SRGAP1: variants seen among roughly 807,000 people sequenced by gnomAD.
The protein encoded by SRGAP1 is SLIT-ROBO Rho GTPase-activating protein 1.
Under a neutral mutation model 121.9 loss-of-function variants are expected in SRGAP1, and 43 were observed. The ratio of observed to expected loss-of-function variants is 0.35; its 90% CI spans 0.28 to 0.46. SRGAP1 has a LOEUF of 0.46. SRGAP1 is among the 20% of genes least tolerant of loss of function. SRGAP1 has a pLI of 1.00. For missense variants in SRGAP1, 1,102 were observed against 1,350.9 expected, an observed-to-expected ratio of 0.82 and a Z score of 2.89; for synonymous variants, 447 against 485.4, an observed-to-expected ratio of 0.92 and a Z score of 1.04.
intron 16 of SRGAP1, among the ~76,000 whole-genome samples, chr12:64,110,901 A>T (rs1315993923): frequency 2.0e-5 from 3 of 152,146 alleles, no homozygotes; most frequent in African/African-American, 7.2e-5. Flanking sequence ...CACCTCACAA[A>T]GGTAGTTGAG....
chr12:63,957,946 G>A (rs778723667), intron 1 of SRGAP1, among the ~76,000 whole-genome samples: 2 of 152,278 alleles, frequency 1.3e-5, no homozygotes, highest in East Asian at 1.9e-4. Context: ...CTGGGACCAC[G>A]AGGACAAAGT....
intron 8 of SRGAP1, among the ~76,000 whole-genome samples, chr12:64,067,263 G>A (rs1357566900): frequency 6.6e-6 from 1 of 152,310 alleles, no homozygotes; most frequent in East Asian, 1.9e-4. Flanking sequence ...GAGTCAGGCA[G>A]TGCTTTGTGA....
At position 63,877,361 on chromosome 12, in the gene SRGAP1, A is replaced by G. The variant is rs976877012; in HGVS notation, c.67+32478A>G. Among the ~76,000 whole-genome samples, 5 of 152,318 alleles carry G rather than the reference A, an allele frequency of 3.3e-5. No homozygotes were observed. The East Asian group carries it at 5.8e-4, about 18-fold the overall frequency. The stretch of plus-strand genomic sequence containing the variant: ...TTCTTTGCAAACATAAACCCATGAA[A>G]AGGTATTTTTTCCCTTTGGGAAAAT... On this transcript the variant is annotated intron_variant, in intron 1 of 21. Coordinates refer to ENST00000355086, the MANE Select transcript of SRGAP1 (RefSeq NM_020762.4).
In SRGAP1 at chr12:64,142,373, G is replaced by C; in HGVS notation, c.2959G>C (p.Asp987His). 6.2e-7 allele frequency: 1 copy of C among 1,613,970 alleles called. No homozygotes were observed. Among genetic ancestry groups the C allele is most frequent in the Non-Finnish European group, 8.5e-7 (1 of 1,179,998 alleles). ...ERQSTAKHAP[D>H]VVLDTLEQVK... ...ACAGAGCACAGCAAAGCATGCCCCTGATGTGGTGCTGGATACCCTGGAGCA... is the reference window on the plus strand; with the variant it reads ...ACAGAGCACAGCAAAGCATGCCCCTCATGTGGTGCTGGATACCCTGGAGCA... Residue 987 changes from aspartate to histidine, a missense_variant, in exon 22 of 22, where the codon GAT (aspartate) becomes CAT (histidine). Around this residue, in one of 3 missense-constraint regions of SRGAP1, gnomAD observed 315 missense variants for 343.1 expected, o/e 0.92. Transcript: ENST00000355086.
intron 8 of SRGAP1, among the ~76,000 whole-genome samples, chr12:64,073,102 C>A (rs1243094912): frequency 6.6e-6 from 1 of 152,074 alleles, no homozygotes; most frequent in Admixed American, 6.5e-5. Flanking sequence ...TATGTTCCCC[C>A]CTGAGACTTA....
intron 1 of SRGAP1, among the ~76,000 whole-genome samples, chr12:63,893,800 A>G (rs1193826486): frequency 6.6e-6 from 1 of 152,156 alleles, no homozygotes; most frequent in Non-Finnish European, 1.5e-5. Context: ...TGACATTACT[A>G]TGGAGTTCTT....
chr12:63,872,387 C>G (rs570303063), intron 1 of SRGAP1, among the ~76,000 whole-genome samples: 4 of 152,170 alleles, frequency 2.6e-5, no homozygotes, highest in Non-Finnish European at 5.9e-5. Flanking sequence ...TTAAGTTTCT[C>G]TTTGCTTATG....
intron 18 of SRGAP1, among the ~76,000 whole-genome samples, chr12:64,116,179 C>T (rs2036518250): frequency 6.7e-6 from 1 of 150,216 alleles, no homozygotes; most frequent in Admixed American, 6.6e-5. Flanking sequence ...ATTGCATGAG[C>T]CCAGGAGTCT....
At position 64,149,090 on chromosome 12, in the gene SRGAP1, A is replaced by ATAT. The variant is rs1555178571; in HGVS notation, c.*6420_*6422dup. The ATAT allele has an allele frequency of 6.6e-6, 1 of 152,226 alleles. No homozygotes were observed. The allele number at this position is 152,226 out of a possible 1,614,324, so 9.4% of individuals were successfully genotyped here. On this transcript the variant is annotated 3_prime_UTR_variant, in exon 22 of 22. Transcript: ENST00000355086. Reference sequence around the variant, plus strand: ...CCATTACATGAATATGCTCAATATTATATTTATTTTAGTATTTCCTGATTA... The same window carrying ATAT: ...CCATTACATGAATATGCTCAATATTATATTATTTATTTTAGTATTTCCTGATTA...
At chr12:63,933,380 G>T (rs189912763) in intron 1 of SRGAP1, among the ~76,000 whole-genome samples, 6 of 152,162 alleles carry the variant, frequency 3.9e-5, no homozygotes, top group Admixed American at 2.0e-4. Flanking sequence ...GCATACCTAG[G>T]TTATATGTGG....
chr12:63,871,468 A>G (rs942753876), intron 1 of SRGAP1, among the ~76,000 whole-genome samples: 1 of 152,206 alleles, frequency 6.6e-6, no homozygotes, highest in African/African-American at 2.4e-5. Context: ...ACACAGGGCA[A>G]TGTAACCCTC....
At chr12:64,064,454 G>A (rs530688901) in intron 7 of SRGAP1, among the ~76,000 whole-genome samples, 2 of 152,094 alleles carry the variant, frequency 1.3e-5, no homozygotes, top group Non-Finnish European at 2.9e-5. Flanking sequence ...GGTGAATCAC[G>A]TGACTTGGCT....
At chr12:64,020,501 T>C (rs1047527592) in intron 4 of SRGAP1, among the ~76,000 whole-genome samples, 4 of 152,292 alleles carry the variant, frequency 2.6e-5, no homozygotes, top group African/African-American at 7.2e-5. Context: ...TTTAAACCTC[T>C]ATTTGAATTC....
chr12:63,995,956 A>G (rs1325170960), intron 3 of SRGAP1, among the ~76,000 whole-genome samples: 1 of 151,940 alleles, frequency 6.6e-6, no homozygotes, highest in African/African-American at 2.4e-5. Flanking sequence ...ATATTCAAAC[A>G]TGTTTTAGTA....
At chr12:63,907,044 T>C (rs1329939654) in intron 1 of SRGAP1, among the ~76,000 whole-genome samples, 11 of 152,186 alleles carry the variant, frequency 7.2e-5, no homozygotes, top group Non-Finnish European at 1.3e-4. Flanking sequence ...GTGAGGGTGC[T>C]AATTTCTCCA....
chr12:63,985,699 A>C lies in SRGAP1; in HGVS notation c.263+1557A>C, dbSNP rs116437810. ...CCTTTAATTTCACTTGGGGCAGAGA[A>C]GATAAGGTCTGTGCCAAGTAAAGAC... On this transcript the variant is annotated intron_variant, in intron 2 of 21. Transcript: ENST00000355086. Among the ~76,000 whole-genome samples the C allele has an allele frequency of 2.2e-3, 338 of 152,318 alleles. 2 individuals carry two copies. Among genetic ancestry groups the C allele is most frequent in the African/African-American group, 7.9e-3 (330 of 41,572 alleles).
In SRGAP1 at chr12:64,054,126, G is replaced by C. The variant is rs2035292734; in HGVS notation, c.802-8791G>C. Among the ~76,000 whole-genome samples the C allele has an allele frequency of 2.6e-5, 4 of 152,240 alleles. No individual in the cohort carries two copies. The East Asian group carries it at 5.8e-4, about 22-fold the overall frequency. ...CCTGCCCAGTAATAATAAAGTATTT[G>C]TCATCCTTGCAGTACAGTTTCATGG... On this transcript the variant is annotated intron_variant, in intron 6 of 21. Coordinates refer to ENST00000355086, the MANE Select transcript of SRGAP1 (RefSeq NM_020762.4).
chr12:63,991,130 G>A (rs553025988), intron 3 of SRGAP1, among the ~76,000 whole-genome samples: 4 of 152,228 alleles, frequency 2.6e-5, no homozygotes, highest in East Asian at 3.9e-4. Flanking sequence ...TACGACTAGC[G>A]TTCATTTTTT....
intron 4 of SRGAP1, among the ~76,000 whole-genome samples, chr12:64,038,337 AAT>A (rs1441716262): frequency 6.6e-6 from 1 of 152,168 alleles, no homozygotes; most frequent in East Asian, 1.9e-4. Context: ...AAATTAAAAA[AAT>A]ACACACACAG....
Sources: allele counts gnomAD v4.1 joint callset (sites outside exome capture counted in the v4.1 genomes callset), GRCh38; gene constraint gnomAD v4.1.1; regional missense constraint gnomAD v4.1.1; transcripts MANE v1.5; gene names NCBI Gene and HGNC (gene_info 2026-07-23, HGNC 2026-07-21).